TSPAN11: variants seen among roughly 807,000 people sequenced by gnomAD.
TSPAN11 encodes tetraspanin 11.
A neutral mutation model predicts 32.9 loss-of-function variants in TSPAN11; 29 were observed. The ratio of observed to expected loss-of-function variants is 0.88; its 90% confidence interval spans 0.66 to 1.20. The LOEUF (loss-of-function observed/expected upper bound fraction) is 1.20, where lower values mean the gene tolerates loss of function less well. Ranked by LOEUF, TSPAN11 falls within the 50% of genes most tolerant of loss-of-function variation. The probability of loss-of-function intolerance (pLI) is 0.00; values close to 1 mark genes in which losing one functional copy is unlikely to be tolerated. For missense variants in TSPAN11, 283 were observed against 329.1 expected, an observed-to-expected ratio of 0.86 and a Z score of 1.08; for synonymous variants, 140 against 141.3, an observed-to-expected ratio of 0.99 and a Z score of 0.07.
chr12:30,927,669 TGAA>T (rs1220641539), intron 1 of TSPAN11, among the ~76,000 whole-genome samples: 2 of 151,946 alleles, frequency 1.3e-5, no homozygotes, highest in Non-Finnish European at 2.9e-5. Context: ...TGGGGGAGCG[TGAA>T]GAAGAGAATG....
At chr12:30,991,650 C>T (rs969812590) in intron 7 of TSPAN11, among the ~76,000 whole-genome samples, 1 of 152,178 alleles carries the variant, frequency 6.6e-6, no homozygotes, top group African/African-American at 2.4e-5. Flanking sequence ...GTGGTTCCCC[C>T]AGGCACACCA....
chr12:30,937,844 G>C (rs1938078057), intron 1 of TSPAN11, among the ~76,000 whole-genome samples: 2 of 152,204 alleles, frequency 1.3e-5, no homozygotes, highest in African/African-American at 4.8e-5. Context: ...TTGATTTTGA[G>C]AACCACCGCT....
At chr12:30,956,545 C>A (rs555629243) in intron 2 of TSPAN11, among the ~76,000 whole-genome samples, 67 of 149,458 alleles carry the variant, frequency 4.5e-4, no homozygotes, top group African/African-American at 1.6e-3. Flanking sequence ...ACTCCCACCT[C>A]CCCCTGGCCC....
At chr12:31,013,410 CAA>C in the TSPAN11 span, among the ~76,000 whole-genome samples, 3 of 145,168 alleles carry the variant, frequency 2.1e-5, no homozygotes, top group Admixed American at 1.4e-4. Flanking sequence ...CTATCTCTAC[CAA>C]AAAAAAAAAA....
the TSPAN11 span, among the ~76,000 whole-genome samples, chr12:31,006,234 G>A: frequency 2.0e-5 from 3 of 152,340 alleles, no homozygotes; most frequent in East Asian, 5.8e-4. Context: ...GCGAGGCAGG[G>A]TGACTCAGGG....
At position 30,935,373 on chromosome 12, in the gene TSPAN11, G is replaced by GT. The variant is rs35076467; in HGVS notation, c.-12+8603dup. On this transcript the variant is annotated intron_variant, in intron 1 of 7. Transcript: ENST00000546076. ...GAGTATGTTAGCCAATGCTTTGTGG[G>GT]TTTTTTTTTTTTTTTTTTTTTTTTT... Among the ~76,000 whole-genome samples, 318 of 120,900 alleles carry GT rather than the reference G, an allele frequency of 2.6e-3. 5 individuals are homozygous for GT. The highest frequency in any genetic ancestry group is 6.0e-3 in the African/African-American group (177 of 29,468). The allele number at this position is 120,900 out of a possible 152,430, so 79.3% of individuals were successfully genotyped here.
chr12:30,978,682 A>C (rs540184611), intron 4 of TSPAN11, 47 bp downstream of exon 4: 1 of 1,596,404 alleles, frequency 6.3e-7, no homozygotes, highest in Non-Finnish European at 8.6e-7. Context: ...TGTCCTGAAG[A>C]AGCAATGTGG....
At chr12:30,999,455 A>G (rs1018874019), downstream of TSPAN11, among the ~76,000 whole-genome samples, 5 of 152,390 alleles carry the variant, frequency 3.3e-5, no homozygotes, top group Non-Finnish European at 1.5e-5. Context: ...AGCCTGGCCT[A>G]CCTTAAACGT....
rs544195700 is a variant in TSPAN11 at position 30,943,102 on chromosome 12, G to A, written c.-11-10879G>A. 2.2e-4 allele frequency among the ~76,000 whole-genome samples: 33 copies of A among 152,286 alleles called. 2 individuals are homozygous for A. The highest frequency in any genetic ancestry group is 7.5e-4 in the African/African-American group (31 of 41,552). On this transcript the variant is annotated intron_variant, in intron 1 of 7. Transcript: ENST00000546076. ...AGTTGGTTTCTTTGCAGTGACGGCCGTCATGGCACTGCTGACTCAGGTTCC... is the reference window on the plus strand; with the variant it reads ...AGTTGGTTTCTTTGCAGTGACGGCCATCATGGCACTGCTGACTCAGGTTCC...
At position 30,975,820 on chromosome 12, in the gene TSPAN11, A is replaced by G. The variant is rs1938958527; in HGVS notation, c.277-2741A>G. 6.6e-6 allele frequency among the ~76,000 whole-genome samples: 1 copy of G among 152,152 alleles called. No individual in the cohort carries two copies. The highest frequency in any genetic ancestry group is 1.5e-5 in the Non-Finnish European group (1 of 68,016). ...GGATGTGGCTCTCCTAGCTGCCAGCAGCCTGGGTGCTCCTGTCAGGGGCAC... is the reference window on the plus strand; with the variant it reads ...GGATGTGGCTCTCCTAGCTGCCAGCGGCCTGGGTGCTCCTGTCAGGGGCAC... On this transcript the variant is annotated intron_variant, in intron 3 of 7. Transcript: ENST00000546076. This position sits in a 1 kb window ranked among gnomAD's most constrained non-coding sequence, Gnocchi z 4.5.
chr12:30,991,973 C>T lies in TSPAN11; in HGVS notation c.*58C>T, dbSNP rs909253293. ...AAGACAACATGTGGCCACATGCCAT[C>T]TGCAAGGCCTGCAGAGTTAGCACCA... On this transcript the variant is annotated 3_prime_UTR_variant, in exon 8 of 8. Coordinates refer to ENST00000546076, the MANE Select transcript of TSPAN11 (RefSeq NM_001370302.1). 2.5e-6 allele frequency: 4 copies of T among 1,586,702 alleles called. No homozygotes were observed. Among genetic ancestry groups the T allele is most frequent in the Non-Finnish European group, 3.5e-6 (4 of 1,155,504 alleles).
chr12:30,951,746 C>G (rs1455061110), intron 1 of TSPAN11, among the ~76,000 whole-genome samples: 1 of 152,174 alleles, frequency 6.6e-6, no homozygotes, highest in Non-Finnish European at 1.5e-5. Context: ...CTTTCAGATC[C>G]AGTCATCTGG....
At chr12:30,932,863 G>A (rs943101363) in intron 1 of TSPAN11, among the ~76,000 whole-genome samples, 2 of 152,184 alleles carry the variant, frequency 1.3e-5, no homozygotes, top group African/African-American at 4.8e-5. Context: ...CTCCTATCTG[G>A]GAAAGGAGAT....
Position 30,992,022 on chromosome 12 carries a change from C to T in TSPAN11, c.*107C>T. ...CAGCTCCACTAGGGCCATAGATGCC[C>T]CCTCCTTTGTGCCTAGCTCCTGCGA... On this transcript the variant is annotated 3_prime_UTR_variant, in exon 8 of 8. Transcript: ENST00000546076. 4 of 1,276,934 alleles carry T rather than the reference C, an allele frequency of 3.1e-6. No homozygotes were observed. The highest frequency in any genetic ancestry group is 4.5e-6 in the Non-Finnish European group (4 of 882,166). 79.1% of individuals were successfully genotyped at this position (1,276,934 alleles called of 1,614,324 possible). A position where few individuals can be genotyped will look rare whatever the true frequency, so the allele number is the denominator to read the frequency against.
At chr12:30,948,280 C>T (rs1198849166) in intron 1 of TSPAN11, among the ~76,000 whole-genome samples, 4 of 152,200 alleles carry the variant, frequency 2.6e-5, no homozygotes. Flanking sequence ...AGGACAGTGG[C>T]CCCCTTCTCA....
intron 3 of TSPAN11, among the ~76,000 whole-genome samples, chr12:30,964,426 CCCTCTT>C (rs1489521909): frequency 3.3e-5 from 5 of 151,258 alleles, no homozygotes; most frequent in Non-Finnish European, 7.4e-5. Context: ...CTCTCCCTCT[CCCTCTT>C]CCTCCTCCTC....
At chr12:31,005,972 T>C in the TSPAN11 span, 4 of 152,854 alleles carry the variant, frequency 2.6e-5, no homozygotes, top group Admixed American at 1.3e-4. Flanking sequence ...GCCACTGGTG[T>C]GGTGGGAAAA....
Position 30,982,701 on chromosome 12 carries a change from A to C in TSPAN11, c.615+11A>C, listed in dbSNP as rs1373326030. 6.5e-7 allele frequency: 1 copy of C among 1,544,836 alleles called. No individual in the cohort carries two copies. Among genetic ancestry groups the C allele is most frequent in the African/African-American group, 1.4e-5 (1 of 73,092 alleles). The stretch of plus-strand genomic sequence containing the variant: ...ATCTATAAGGTGGAGGTGAGCACCC[A>C]AGCTCAAGTTGGGGGTGAGGAGAGG... On this transcript the variant is annotated intron_variant, in intron 6 of 7. Coordinates refer to ENST00000546076, the MANE Select transcript of TSPAN11 (RefSeq NM_001370302.1).
intron 2 of TSPAN11, among the ~76,000 whole-genome samples, chr12:30,963,466 G>A (rs1938655439): frequency 6.6e-6 from 1 of 152,248 alleles, no homozygotes; most frequent in African/African-American, 2.4e-5. Context: ...GGTGGCAGGA[G>A]TTGGGGAGGT....
Sources: gnomAD v4.1 joint callset for allele counts (sites outside exome capture counted in the v4.1 genomes callset) on GRCh38, gnomAD v4.1.1 for gene constraint, Gnocchi (gnomAD v3.1) non-coding constraint, MANE v1.5 for transcripts, NCBI Gene and HGNC (gene_info 2026-07-23, HGNC 2026-07-21) for gene names.